The following CLINT1 variants were observed in gnomAD, a reference collection of about 807,000 sequenced individuals.
CLINT1 encodes the protein clathrin interacting protein localized in the trans-Golgi region.
A neutral mutation model predicts 70.4 loss-of-function variants in CLINT1; 15 were observed. The observed-to-expected ratio is 0.21, with a 90% confidence interval of 0.14 to 0.33. The LOEUF (loss-of-function observed/expected upper bound fraction) is 0.33, where lower values mean the gene tolerates loss of function less well. Ranked by LOEUF, CLINT1 falls within the 10% of genes least tolerant of loss-of-function variation. The probability of loss-of-function intolerance (pLI) is 1.00; values close to 1 mark genes in which losing one functional copy is unlikely to be tolerated. For synonymous variants in CLINT1, 227 were observed against 254.7 expected, an observed-to-expected ratio of 0.89 and a Z score of 1.04; for missense variants, 615 against 778.1, an observed-to-expected ratio of 0.79 and a Z score of 2.49.
At chr5:157,807,186 T>C (rs1762413682) in intron 6 of CLINT1, among the ~76,000 whole-genome samples, 2 of 152,094 alleles carry the variant, frequency 1.3e-5, no homozygotes, top group Non-Finnish European at 1.5e-5. Context: ...CTGGAACTTG[T>C]ATAAATCAAA....
chr5:157,851,413 G>A (rs1753570818), intron 1 of CLINT1, among the ~76,000 whole-genome samples: 1 of 152,012 alleles, frequency 6.6e-6, no homozygotes, highest in Non-Finnish European at 1.5e-5. Flanking sequence ...TCTAGGCCAG[G>A]CACAGTGGCT....
chr5:157,841,041 T>C (rs1753156870), intron 1 of CLINT1, among the ~76,000 whole-genome samples: 1 of 151,948 alleles, frequency 6.6e-6, no homozygotes, highest in African/African-American at 2.4e-5. Flanking sequence ...GCAGGCAGAT[T>C]GCTTGAGCTC....
intron 8 of CLINT1, chr5:157,795,432 C>T (rs1371081358): frequency 6.4e-6 from 1 of 155,576 alleles, no homozygotes; most frequent in Admixed American, 6.3e-5. Flanking sequence ...AGAATTGAGA[C>T]ACTGGGGAAA....
At chr5:157,795,627 CAAAT>C (rs1259308142) in intron 8 of CLINT1, 5 of 151,518 alleles carry the variant, frequency 3.3e-5, no homozygotes, top group South Asian at 2.1e-4. Context: ...ACACAACAAA[CAAAT>C]AAAAAAGAAC....
chr5:157,834,363 T>TAAA lies in CLINT1; in HGVS notation c.42-16819_42-16817dup, dbSNP rs35913533. Among the ~76,000 whole-genome samples the TAAA allele has an allele frequency of 4.7e-3, 679 of 144,010 alleles. 5 individuals are homozygous for TAAA. Among genetic ancestry groups the TAAA allele is most frequent in the Middle Eastern group, 0.011 (3 of 278 alleles). The allele number at this position is 144,010 out of a possible 152,430, so 94.5% of individuals were successfully genotyped here. A position where few individuals can be genotyped will look rare whatever the true frequency, so the allele number is the denominator to read the frequency against. On this transcript the variant is annotated intron_variant, in intron 1 of 11. Coordinates refer to ENST00000411809, the MANE Select transcript of CLINT1 (RefSeq NM_014666.4). ...ACTCCAGCCTGGGCAACAGAGCGAT[T>TAAA]AAAAAAAAAAAAACCTCCAGTTCCT...
At chr5:157,849,293 C>G (rs565015469) in intron 1 of CLINT1, among the ~76,000 whole-genome samples, 13 of 152,164 alleles carry the variant, frequency 8.5e-5, no homozygotes, top group Non-Finnish European at 1.5e-4. Flanking sequence ...AACATGGAGG[C>G]AAGATTTTCC....
chr5:157,858,342 G>A (rs901547608), intron 1 of CLINT1, among the ~76,000 whole-genome samples: 1 of 152,208 alleles, frequency 6.6e-6, no homozygotes. Flanking sequence ...GAAAAGCAAA[G>A]GATGAGTGTC....
intron 6 of CLINT1, among the ~76,000 whole-genome samples, chr5:157,807,804 G>C (rs1762431596): frequency 6.6e-6 from 1 of 152,022 alleles, no homozygotes; most frequent in Non-Finnish European, 1.5e-5. Context: ...GGATAGAAGG[G>C]CAAAGGAGAG....
intron 1 of CLINT1, among the ~76,000 whole-genome samples, chr5:157,845,718 AT>A (rs1299010606): frequency 4.7e-5 from 7 of 150,318 alleles, no homozygotes; most frequent in Non-Finnish European, 5.9e-5. Context: ...CGCCCGGCTA[AT>A]TTTTTTTTGT....
chr5:157,839,117 T>C (rs1763530977), intron 1 of CLINT1, among the ~76,000 whole-genome samples: 1 of 151,856 alleles, frequency 6.6e-6, no homozygotes, highest in Non-Finnish European at 1.5e-5. Context: ...TAGTCCCAGG[T>C]ACTAGGGAGG....
intron 1 of CLINT1, among the ~76,000 whole-genome samples, chr5:157,852,072 T>G (rs1375591029): frequency 6.6e-6 from 1 of 152,240 alleles, no homozygotes; most frequent in Non-Finnish European, 1.5e-5. Flanking sequence ...TATTGTTCAG[T>G]CTCTTAAGAA....
In CLINT1 at chr5:157,824,355, C is replaced by T. The variant is rs145380033; in HGVS notation, c.42-6808G>A. On this transcript the variant is annotated intron_variant, in intron 1 of 11. Transcript: ENST00000411809. ...TGAACAGTATCAAATGTACTGTCAA[C>T]GGCCAAGAAGCCTACTATTCCTAAA... Among the ~76,000 whole-genome samples the T allele has an allele frequency of 3.0e-3, 464 of 152,244 alleles. 2 individuals carry two copies. Among genetic ancestry groups the T allele is most frequent in the African/African-American group, 0.011 (440 of 41,522 alleles).
chr5:157,798,931 T>C (rs930568092), intron 8 of CLINT1, among the ~76,000 whole-genome samples: 1 of 151,878 alleles, frequency 6.6e-6, no homozygotes, highest in Non-Finnish European at 1.5e-5. Context: ...CCAACTATCA[T>C]AAGAAAATGG....
intron 11 of CLINT1, 97 bp from the exon 12 acceptor site, chr5:157,788,089 C>A: frequency 2.2e-6 from 2 of 924,616 alleles, no homozygotes; most frequent in Non-Finnish European, 3.4e-6. Flanking sequence ...ATCTATACTT[C>A]TTTAGCCCCA....
chr5:157,833,119 G>A (rs1272918791), intron 1 of CLINT1, among the ~76,000 whole-genome samples: 2 of 152,168 alleles, frequency 1.3e-5, no homozygotes, highest in African/African-American at 2.4e-5. Context: ...GGCAGGCCAA[G>A]GCAGGCAGAT....
chr5:157,804,037 TAAAAAAAAA>T (rs3836883), intron 7 of CLINT1, among the ~76,000 whole-genome samples: 19,554 of 131,338 alleles, frequency 0.15, 1,732 homozygotes, highest in African/African-American at 0.27. Flanking sequence ...ATCAGTTCAT[TAAAAAAAAA>T]AAAAAAAAAA....
chr5:157,839,998 C>T (rs1430589843), intron 1 of CLINT1, among the ~76,000 whole-genome samples: 1 of 151,720 alleles, frequency 6.6e-6, no homozygotes, highest in African/African-American at 2.4e-5. Context: ...GGGCAGACTG[C>T]CTGAGCTCAG....
intron 6 of CLINT1, chr5:157,809,294 A>G (rs922437718): frequency 3.0e-5 from 6 of 200,276 alleles, no homozygotes; most frequent in Admixed American, 1.2e-4. Context: ...AGAAGTGTAC[A>G]ATATAGGAAA....
chr5:157,819,897 G>A (rs1762829381), intron 1 of CLINT1, among the ~76,000 whole-genome samples: 1 of 152,100 alleles, frequency 6.6e-6, no homozygotes, highest in African/African-American at 2.4e-5. Context: ...AAGGCCCATG[G>A]GTCAAATAAG....
Sources: allele counts gnomAD v4.1 joint callset (sites outside exome capture counted in the v4.1 genomes callset), GRCh38; gene constraint gnomAD v4.1.1; transcripts MANE v1.5; gene names NCBI Gene and HGNC (gene_info 2026-07-23, HGNC 2026-07-21).